The following BCL2 variants were observed in gnomAD, a reference collection of about 807,000 sequenced individuals.
BCL2 encodes apoptosis regulator Bcl-2.
In BCL2, 1 loss-of-function variant was observed where a neutral mutation model predicts 14.2. The observed-to-expected ratio is 0.07, with a 90% CI of 0.02 to 0.33. The LOEUF (loss-of-function observed/expected upper bound fraction) is 0.33, where lower values mean the gene tolerates loss of function less well. BCL2 is among the 10% of genes least tolerant of loss of function. BCL2 has a pLI of 0.99. For synonymous variants in BCL2, 151 were observed against 137.2 expected (o/e 1.10, Z -0.70); for missense variants, 247 against 305.9 (o/e 0.81, Z 1.44).
At chr18:63,258,173 G>A (rs938477188) in intron 2 of BCL2, among the ~76,000 whole-genome samples, 1 of 152,178 alleles carries the variant, frequency 6.6e-6, no homozygotes, top group Non-Finnish European at 1.5e-5. Flanking sequence ...GAGGTGGGGG[G>A]TGGATCCCCC....
At chr18:63,266,999 G>A (rs1911851768) in intron 2 of BCL2, among the ~76,000 whole-genome samples, 1 of 152,206 alleles carries the variant, frequency 6.6e-6, no homozygotes, top group South Asian at 2.1e-4. Context: ...GTTAGGCAAG[G>A]AGGAGAGAAG....
Position 63,202,003 on chromosome 18 carries a change from A to C in BCL2, c.586-73244T>G, listed in dbSNP as rs562059587. On this transcript the variant is annotated intron_variant, in intron 2 of 2. Transcript: ENST00000333681. ...AATAATAATAAATTCTACAATGAAA[A>C]AAAGGAAATAAATGTATTCCTTTGG... 3.9e-5 allele frequency among the ~76,000 whole-genome samples: 6 copies of C among 152,316 alleles called. No individual in the cohort carries two copies. The South Asian group carries it at 1.2e-3, about 32-fold the overall frequency.
In BCL2 at chr18:63,169,377, T is replaced by TTCTTTCTTTC. The variant is rs1568222742; in HGVS notation, c.586-40628_586-40619dup. Among the ~76,000 whole-genome samples, 17 of 119,598 alleles carry TTCTTTCTTTC rather than the reference T, an allele frequency of 1.4e-4. 2 individuals are homozygous for TTCTTTCTTTC. In the East Asian group the frequency reaches 1.8e-3, roughly 13 times the overall value. The allele number at this position is 119,598 out of a possible 152,430, so 78.5% of individuals were successfully genotyped here. A position where few individuals can be genotyped will look rare whatever the true frequency, so the allele number is the denominator to read the frequency against. On this transcript the variant is annotated intron_variant, in intron 2 of 2. Transcript: ENST00000333681. ...TCTTTCTTTCTTTCTTTCTCTTTCTTTCTTTCTTTCTTTTTCTTTCTTTCT... is the reference window on the plus strand; with the variant it reads ...TCTTTCTTTCTTTCTTTCTCTTTCTTTCTTTCTTTCTCTTTCTTTCTTTTTCTTTCTTTCT...
chr18:63,317,984 C>G, intron 2 of BCL2, 98 bp downstream of exon 2: 1 of 1,511,206 alleles, frequency 6.6e-7, no homozygotes, highest in Non-Finnish European at 8.9e-7. Context: ...TTCGCCGGCT[C>G]CACAGCCTCC....
At chr18:63,223,084 C>T (rs957549733) in intron 2 of BCL2, among the ~76,000 whole-genome samples, 2 of 152,114 alleles carry the variant, frequency 1.3e-5, no homozygotes, top group South Asian at 2.1e-4. Flanking sequence ...TGGAACTGTG[C>T]GGAAGGGAGA....
intron 2 of BCL2, among the ~76,000 whole-genome samples, chr18:63,143,677 A>G (rs1914429754): frequency 6.6e-6 from 1 of 152,248 alleles, no homozygotes; most frequent in Admixed American, 6.5e-5. Context: ...TTATACACCG[A>G]CTATTCCTCA....
At chr18:63,237,515 A>G (rs1910874580) in intron 2 of BCL2, among the ~76,000 whole-genome samples, 2 of 152,216 alleles carry the variant, frequency 1.3e-5, no homozygotes, top group Admixed American at 6.5e-5. Context: ...CCCAAGGCAT[A>G]TGATTCTGTC....
rs1430203334 is a variant in BCL2, at chr18:63,169,329, T to TTTCC, written c.586-40574_586-40571dup. On this transcript the variant is annotated intron_variant, in intron 2 of 2. Transcript: ENST00000333681. ...CTTTCTTCCTTCCTTCCTTCTTTCC[T>TTTCC]TTCCTTCCTTTCTTTCTTTCTTTCT... Among the ~76,000 whole-genome samples the TTTCC allele has an allele frequency of 2.7e-3, 102 of 37,434 alleles. 2 individuals are homozygous for TTTCC. Among genetic ancestry groups the TTTCC allele is most frequent in the Middle Eastern group, 8.3e-3 (1 of 120 alleles). 24.6% of individuals were successfully genotyped at this position (37,434 alleles called of 152,430 possible). A position where few individuals can be genotyped will look rare whatever the true frequency, so the allele number is the denominator to read the frequency against.
At chr18:63,145,269 G>T (rs949653959) in intron 2 of BCL2, among the ~76,000 whole-genome samples, 2 of 152,248 alleles carry the variant, frequency 1.3e-5, no homozygotes, top group Non-Finnish European at 2.9e-5. Flanking sequence ...AAAAGTGGTT[G>T]TGTCTGCAAC....
In BCL2 at chr18:63,318,819, A is replaced by G; in HGVS notation, c.-153T>C. On this transcript the variant is annotated 5_prime_UTR_variant, in exon 2 of 3. Transcript: ENST00000333681. The surrounding 1 kb of genome is among the most constrained non-coding windows in gnomAD (Gnocchi z 7.4). ...GAGGGGGTGTCTTCAATCACGCGGAACACTTGATTCTGGTGTTTCCCCCTT... is the reference window on the plus strand; with the variant it reads ...GAGGGGGTGTCTTCAATCACGCGGAGCACTTGATTCTGGTGTTTCCCCCTT... 1 of 1,439,056 alleles carries G rather than the reference A, an allele frequency of 6.9e-7. No individual in the cohort carries two copies. The highest frequency in any genetic ancestry group is 9.1e-7 in the Non-Finnish European group (1 of 1,095,108). 89.1% of individuals were successfully genotyped at this position (1,439,056 alleles called of 1,614,324 possible). A position where few individuals can be genotyped will look rare whatever the true frequency, so the allele number is the denominator to read the frequency against.
At chr18:63,174,665 C>A (rs1915307118) in intron 2 of BCL2, among the ~76,000 whole-genome samples, 1 of 151,878 alleles carries the variant, frequency 6.6e-6, no homozygotes, top group African/African-American at 2.4e-5. Flanking sequence ...ACTAAAAATA[C>A]CAAAACTAGC....
intron 2 of BCL2, among the ~76,000 whole-genome samples, chr18:63,270,179 A>C (rs750965984): frequency 2.0e-5 from 3 of 152,194 alleles, no homozygotes; most frequent in Non-Finnish European, 4.4e-5. Flanking sequence ...ATGGAGGGCA[A>C]TTTGACAAAA....
chr18:63,181,560 A>C (rs1915482458), intron 2 of BCL2, among the ~76,000 whole-genome samples: 1 of 152,206 alleles, frequency 6.6e-6, no homozygotes, highest in South Asian at 2.1e-4. Flanking sequence ...AACATTTCAG[A>C]ACCACTGCCT....
intron 2 of BCL2, among the ~76,000 whole-genome samples, chr18:63,298,606 G>A (rs1440298236): frequency 1.3e-5 from 2 of 152,186 alleles, no homozygotes; most frequent in Non-Finnish European, 1.5e-5. Context: ...AAAGGTGGAA[G>A]GAAAAATACA....
At chr18:63,199,520 A>T (rs1320076566) in intron 2 of BCL2, among the ~76,000 whole-genome samples, 2 of 151,448 alleles carry the variant, frequency 1.3e-5, no homozygotes, top group Admixed American at 1.3e-4. Flanking sequence ...ACAGAGACAC[A>T]CACAACACAC....
chr18:63,248,351 A>G (rs9967405), intron 2 of BCL2, among the ~76,000 whole-genome samples: 13,381 of 152,292 alleles, frequency 0.088, 652 homozygotes, highest in South Asian at 0.16. Flanking sequence ...TTCTGCCAAC[A>G]TTGAGATGCC....
intron 2 of BCL2, among the ~76,000 whole-genome samples, chr18:63,284,446 G>A (rs191422468): frequency 3.3e-4 from 50 of 152,304 alleles, no homozygotes; most frequent in African/African-American, 1.1e-3. Context: ...CCAAACAGGG[G>A]ACCCCAGAAG....
At position 63,201,916 on chromosome 18, in the gene BCL2, G is replaced by A. The variant is rs148979225; in HGVS notation, c.586-73157C>T. 8.8e-4 allele frequency among the ~76,000 whole-genome samples: 134 copies of A among 152,124 alleles called. No individual in the cohort carries two copies. The East Asian group carries it at 0.023, about 26-fold the overall frequency. On this transcript the variant is annotated intron_variant, in intron 2 of 2. Coordinates refer to ENST00000333681, the MANE Select transcript of BCL2 (RefSeq NM_000633.3). ...TGAGTGCAGCAAACCACCATGGCAC[G>A]TGTATACCTATGTAAGAAGCCTGCA...
At chr18:63,252,592 G>T (rs1231651398) in intron 2 of BCL2, among the ~76,000 whole-genome samples, 2 of 152,122 alleles carry the variant, frequency 1.3e-5, no homozygotes, top group South Asian at 2.1e-4. Context: ...TTTAAAAATG[G>T]GAGTTCCCTG....
Sources: gnomAD v4.1 joint callset for allele counts (sites outside exome capture counted in the v4.1 genomes callset) on GRCh38, gnomAD v4.1.1 for gene constraint, Gnocchi (gnomAD v3.1) non-coding constraint, MANE v1.5 for transcripts, NCBI Gene and HGNC (gene_info 2026-07-23, HGNC 2026-07-21) for gene names.